The following ZNF260 variants were observed in gnomAD, a reference collection of about 807,000 sequenced individuals.
The protein encoded by ZNF260 is zfp-260.
In ZNF260, 21 loss-of-function variants were observed where a neutral mutation model predicts 29.3. The observed-to-expected ratio is 0.72, with a 90% confidence interval of 0.51 to 1.03. The LOEUF is 1.03. Ranked by LOEUF, ZNF260 falls within the 50% of genes least tolerant of loss-of-function variation. The pLI, the probability that ZNF260 is intolerant of heterozygous loss-of-function variation, is 0.00. For synonymous variants in ZNF260, 156 were observed against 156.8 expected, an observed-to-expected ratio of 0.99 and a Z score of 0.04; for missense variants, 465 against 487.8, an observed-to-expected ratio of 0.95 and a Z score of 0.44.
At chr19:36,522,459 A>AAAATAAAT (rs1175860636) in intron 2 of ZNF260, among the ~76,000 whole-genome samples, 1 of 152,174 alleles carries the variant, frequency 6.6e-6, no homozygotes, top group African/African-American at 2.4e-5. Flanking sequence ...TCCATCTCAA[A>AAAATAAAT]AAATAAATAA....
intron 2 of ZNF260, among the ~76,000 whole-genome samples, chr19:36,522,585 G>C (rs2034664243): frequency 6.6e-6 from 1 of 152,124 alleles, no homozygotes; most frequent in Non-Finnish European, 1.5e-5. Flanking sequence ...TAATGCTTGA[G>C]ATAAGTAGCT....
chr19:36,519,733 G>A (rs1028673385), intron 2 of ZNF260, among the ~76,000 whole-genome samples: 45 of 151,866 alleles, frequency 3.0e-4, no homozygotes, highest in African/African-American at 1.0e-3. Context: ...AGAAATGACA[G>A]AACAAAAACA....
chr19:36,521,818 G>C (rs1433554261), intron 2 of ZNF260, among the ~76,000 whole-genome samples: 3 of 151,658 alleles, frequency 2.0e-5, no homozygotes, highest in African/African-American at 7.3e-5. Context: ...GGGAGGTGGA[G>C]GCAGGCAGAT....
chr19:36,514,472 G>A lies in ZNF260; in HGVS notation c.767C>T (p.Ala256Val). The change falls in exon 3 of 3, where the codon GCC becomes GTC. Residue 256 changes from alanine (A) to valine (V), a missense_variant. Coordinates refer to ENST00000523638, the MANE Select transcript of ZNF260 (RefSeq NM_001166037.2). ...TGTGAGATTTGACTTGCCACTGAAG[G>A]CTTTCCCACATTCCTTACACGTATA... The part of the protein sequence containing the change: ...KPYTCKECGK[A>V]FSGKSNLTEH... The A allele has an allele frequency of 6.2e-7, 1 of 1,613,974 alleles. No individual in the cohort carries two copies. Among genetic ancestry groups the A allele is most frequent in the Admixed American group, 1.7e-5 (1 of 60,016 alleles).
intron 1 of ZNF260, among the ~76,000 whole-genome samples, chr19:36,526,012 TAAGTCTG>T (rs1339976280): frequency 6.6e-6 from 1 of 152,140 alleles, no homozygotes; most frequent in Non-Finnish European, 1.5e-5. Context: ...ACTTTTCTCA[TAAGTCTG>T]AAGTAACCAA....
intron 2 of ZNF260, among the ~76,000 whole-genome samples, chr19:36,515,933 G>A (rs1379553204): frequency 2.1e-4 from 32 of 151,766 alleles, no homozygotes; most frequent in East Asian, 1.9e-4. Flanking sequence ...GGGCAATGGC[G>A]CGATTTTGGC....
intron 1 of ZNF260, among the ~76,000 whole-genome samples, chr19:36,526,034 G>A (rs1310598614): frequency 6.6e-6 from 1 of 151,986 alleles, no homozygotes; most frequent in Non-Finnish European, 1.5e-5. Context: ...AACCAACCTT[G>A]AGTGATATGG....
intron 2 of ZNF260, among the ~76,000 whole-genome samples, chr19:36,516,167 C>G (rs1230416443): frequency 6.6e-6 from 1 of 152,084 alleles, no homozygotes. Context: ...CCACTGCGCA[C>G]GGCTGTAAAA....
At position 36,514,229 on chromosome 19, in the gene ZNF260, C is replaced by A; in HGVS notation, c.1010G>T (p.Cys337Phe). Residue 337 changes from cysteine to phenylalanine, a missense_variant, in exon 3 of 3, where the codon TGT (cysteine) becomes TTT (phenylalanine). Coordinates refer to ENST00000523638, the MANE Select transcript of ZNF260 (RefSeq NM_001166037.2). ...TGAGCTTTGACAGAAGGCTTTCCCA[C>A]AGACCTTACACTCATAAGGCTTATC... ...TGDKPYECKV[C>F]GKAFCQSSSL... The A allele has an allele frequency of 6.2e-7, 1 of 1,614,136 alleles. No individual in the cohort carries two copies. Among genetic ancestry groups the A allele is most frequent in the Non-Finnish European group, 8.5e-7 (1 of 1,180,000 alleles).
intron 1 of ZNF260, among the ~76,000 whole-genome samples, chr19:36,526,762 T>C (rs2034742865): frequency 6.6e-6 from 1 of 152,240 alleles, no homozygotes; most frequent in South Asian, 2.1e-4. Context: ...TTATGATTCA[T>C]GTTTGTTGAA....
intron 2 of ZNF260, among the ~76,000 whole-genome samples, chr19:36,519,443 G>A (rs987113611): frequency 1.1e-4 from 17 of 152,098 alleles, no homozygotes; most frequent in Admixed American, 4.6e-4. Context: ...TAACATACTG[G>A]GGGTAACATT....
At chr19:36,518,366 C>G (rs929019466) in intron 2 of ZNF260, among the ~76,000 whole-genome samples, 1 of 152,326 alleles carries the variant, frequency 6.6e-6, no homozygotes, top group South Asian at 2.1e-4. Context: ...AGCAGAAAAA[C>G]TCACCCATAT....
rs771896677 is a variant in ZNF260, at chr19:36,511,809, T to C, written c.*2191A>G. On this transcript the variant is annotated 3_prime_UTR_variant, in exon 3 of 3. Coordinates refer to ENST00000523638, the MANE Select transcript of ZNF260 (RefSeq NM_001166037.2). ...CGGTCTTCCCAAGGTAACAAGGGGG[T>C]TGGGATTGACTTGGGTGTGTCTGAC... The C allele has an allele frequency of 4.6e-5, 7 of 151,448 alleles. No homozygotes were observed. The highest frequency in any genetic ancestry group is 2.0e-4 in the Admixed American group (3 of 15,142). 9.4% of individuals were successfully genotyped at this position (151,448 alleles called of 1,614,324 possible).
In ZNF260 at chr19:36,510,940, G is replaced by A. The variant is rs2034441317; in HGVS notation, c.*3060C>T. ...TCCTAGTTATTCTGGTGACTTCAAG[G>A]CTACCCAAGCACATGGGCAAAACAC... On this transcript the variant is annotated 3_prime_UTR_variant, in exon 3 of 3. Coordinates refer to ENST00000523638, the MANE Select transcript of ZNF260 (RefSeq NM_001166037.2). 1.3e-5 allele frequency: 2 copies of A among 152,078 alleles called. No individual in the cohort carries two copies. The highest frequency in any genetic ancestry group is 4.1e-4 in the South Asian group (2 of 4,826). 9.4% of individuals were successfully genotyped at this position (152,078 alleles called of 1,614,324 possible). A position where few individuals can be genotyped will look rare whatever the true frequency, so the allele number is the denominator to read the frequency against.
rs533281807 is a variant in ZNF260 at position 36,526,607 on chromosome 19, T to A, written c.-680-1234A>T. ...ACCTATGCACATCCTCCCATATACT[T>A]TAAAATTATCTCCAGATTACTTATC... is the stretch of plus-strand genomic sequence containing the variant. On this transcript the variant is annotated intron_variant, in intron 1 of 2. Coordinates refer to ENST00000523638, the MANE Select transcript of ZNF260 (RefSeq NM_001166037.2). Among the ~76,000 whole-genome samples the A allele has an allele frequency of 6.3e-4, 96 of 152,250 alleles. 1 individual carries two copies. Among genetic ancestry groups the A allele is most frequent in the African/African-American group, 2.2e-3 (92 of 41,558 alleles).
rs867544695 is a variant in ZNF260, at chr19:36,514,558, T to C, written c.681A>G (p.Lys227=). The stretch of plus-strand genomic sequence containing the variant: ...TGAGGCTTGACTTCTGAATGAAAGC[T>C]TTCCCACACCCTTTACATTCATAAG... The part of the protein sequence containing the change: ...EKPYECKGCG[K]AFIQKSSLIR... Residue 227 remains lysine, a synonymous_variant, in exon 3 of 3, where the codon AAA becomes AAG. Transcript: ENST00000523638. The C allele has an allele frequency of 2.9e-5, 47 of 1,614,144 alleles. No individual in the cohort carries two copies. The Middle Eastern group carries it at 6.3e-3, about 215-fold the overall frequency.
At position 36,512,034 on chromosome 19, in the gene ZNF260, C is replaced by T. The variant is rs1042098598; in HGVS notation, c.*1966G>A. ...TGTTTTAGTAAAAACTAATTCTCTC[C>T]ATGTCTGTGCATATATTATTTAATA... On this transcript the variant is annotated 3_prime_UTR_variant, in exon 3 of 3. Coordinates refer to ENST00000523638, the MANE Select transcript of ZNF260 (RefSeq NM_001166037.2). The T allele has an allele frequency of 6.6e-6, 1 of 151,962 alleles. No homozygotes were observed. Among genetic ancestry groups the T allele is most frequent in the African/African-American group, 2.4e-5 (1 of 41,380 alleles). The allele number at this position is 151,962 out of a possible 1,614,324, so 9.4% of individuals were successfully genotyped here.
intron 2 of ZNF260, among the ~76,000 whole-genome samples, chr19:36,524,878 A>C (rs2034709046): frequency 6.6e-6 from 1 of 152,170 alleles, no homozygotes. Flanking sequence ...TTGAGGCTGC[A>C]AATGATGTAG....
chr19:36,519,810 T>C (rs2034611350), intron 2 of ZNF260, among the ~76,000 whole-genome samples: 1 of 152,194 alleles, frequency 6.6e-6, no homozygotes, highest in South Asian at 2.1e-4. Flanking sequence ...GGAAAATTAA[T>C]GCTTGGAGAA....
Sources: gnomAD v4.1 joint callset for allele counts (sites outside exome capture counted in the v4.1 genomes callset) on GRCh38, gnomAD v4.1.1 for gene constraint, MANE v1.5 for transcripts, NCBI Gene and HGNC (gene_info 2026-07-23, HGNC 2026-07-21) for gene names.